The following RASEF variants were observed in gnomAD, a reference collection of about 807,000 sequenced individuals.
RASEF encodes ras and EF-hand domain-containing protein.
A neutral mutation model predicts 90.1 loss-of-function variants in RASEF; 68 were observed. That is an observed-to-expected ratio of 0.75 (90% CI 0.62 to 0.92). The LOEUF (loss-of-function observed/expected upper bound fraction) is 0.92, where lower values mean the gene tolerates loss of function less well. RASEF is among the 40% of genes least tolerant of loss of function. RASEF has a pLI of 0.00. For synonymous variants in RASEF, 331 were observed against 345.2 expected (o/e 0.96, Z 0.46); for missense variants, 949 against 937.2 (o/e 1.01, Z -0.16).
At chr9:83,158,518 C>T in the RASEF span, among the ~76,000 whole-genome samples, 2 of 150,394 alleles carry the variant, frequency 1.3e-5, no homozygotes, top group South Asian at 4.2e-4. Flanking sequence ...TAGACATTCA[C>T]ATTGTCAAGC....
chr9:83,041,276 T>C (rs1004467878), intron 1 of RASEF, among the ~76,000 whole-genome samples: 3 of 152,262 alleles, frequency 2.0e-5, no homozygotes, highest in African/African-American at 7.2e-5. Context: ...AAACTATTTA[T>C]ATATGTGATA....
At chr9:83,022,231 G>C in intron 3 of RASEF, 105 bp downstream of exon 3, 1 of 828,464 alleles carries the variant, frequency 1.2e-6, no homozygotes. Context: ...GCAGAAACCT[G>C]GACTTGCTGT....
At chr9:83,176,613 T>C in the RASEF span, among the ~76,000 whole-genome samples, 2 of 152,076 alleles carry the variant, frequency 1.3e-5, no homozygotes, top group African/African-American at 4.8e-5. Context: ...AATATTTAAT[T>C]CCTTCCATTA....
chr9:83,209,107 T>C, the RASEF span, among the ~76,000 whole-genome samples: 1 of 152,224 alleles, frequency 6.6e-6, no homozygotes, highest in Non-Finnish European at 1.5e-5. Context: ...ATTGCTCTGC[T>C]TCTCCGGGAG....
the RASEF span, among the ~76,000 whole-genome samples, chr9:83,162,156 G>C: frequency 6.6e-6 from 1 of 152,034 alleles, no homozygotes. Context: ...GATTTACTAG[G>C]TATCTAGGCA....
chr9:83,000,339 A>G, intron 11 of RASEF, 23 bp from the exon 12 acceptor site: 1 of 1,612,362 alleles, frequency 6.2e-7, no homozygotes, highest in Non-Finnish European at 8.5e-7. Flanking sequence ...GCCACAGTGA[A>G]TGATAACGGT....
the RASEF span, among the ~76,000 whole-genome samples, chr9:83,114,495 C>T: frequency 6.6e-6 from 1 of 152,212 alleles, no homozygotes; most frequent in Non-Finnish European, 1.5e-5. Flanking sequence ...GAACCTTAAA[C>T]TCTGACTGCT....
chr9:83,216,134 T>C, the RASEF span, among the ~76,000 whole-genome samples: 1 of 152,044 alleles, frequency 6.6e-6, no homozygotes, highest in South Asian at 2.1e-4. Flanking sequence ...GTTCAGAAAA[T>C]TTGCAGCCTG....
At chr9:83,148,516 G>C in the RASEF span, among the ~76,000 whole-genome samples, 3 of 152,150 alleles carry the variant, frequency 2.0e-5, no homozygotes, top group Admixed American at 2.0e-4. Context: ...CACAGGATGG[G>C]AGAGAGGCAT....
At chr9:83,016,014 C>T (rs973939458) in intron 3 of RASEF, 114 bp from the exon 4 acceptor site, 1 of 741,706 alleles carries the variant, frequency 1.3e-6, no homozygotes. Context: ...AGTTCTCCTA[C>T]ACAGGGAAGG....
intron 1 of RASEF, among the ~76,000 whole-genome samples, chr9:83,043,498 G>C (rs1268107779): frequency 6.6e-6 from 1 of 152,152 alleles, no homozygotes; most frequent in East Asian, 1.9e-4. Flanking sequence ...TCAGCAAGCT[G>C]TACACTTAAC....
the RASEF span, among the ~76,000 whole-genome samples, chr9:83,145,061 CACAA>C: frequency 1.1e-3 from 161 of 152,244 alleles, no homozygotes; most frequent in African/African-American, 3.7e-3. Context: ...TTTTAATTAT[CACAA>C]ACAATTTTGA....
chr9:83,159,778 T>C, the RASEF span, among the ~76,000 whole-genome samples: 1 of 152,226 alleles, frequency 6.6e-6, no homozygotes, highest in Non-Finnish European at 1.5e-5. Context: ...ACGGTTTAGC[T>C]GTGTCCTCAC....
At chr9:83,069,532 A>G in the RASEF span, among the ~76,000 whole-genome samples, 10 of 152,226 alleles carry the variant, frequency 6.6e-5, no homozygotes, top group African/African-American at 2.2e-4. Context: ...CACATTATAC[A>G]TTATACCACA....
At chr9:83,112,883 A>T in the RASEF span, among the ~76,000 whole-genome samples, 1 of 152,196 alleles carries the variant, frequency 6.6e-6, no homozygotes. Flanking sequence ...AGATACAAAG[A>T]TGTAAACTGT....
intron 16 of RASEF, among the ~76,000 whole-genome samples, chr9:82,987,336 A>C (rs1828727868): frequency 6.6e-6 from 1 of 152,228 alleles, no homozygotes; most frequent in South Asian, 2.1e-4. Flanking sequence ...AATAACAATA[A>C]AACAAAAACC....
At chr9:83,034,497 A>G (rs1222843806) in intron 1 of RASEF, among the ~76,000 whole-genome samples, 3 of 152,240 alleles carry the variant, frequency 2.0e-5, no homozygotes, top group Non-Finnish European at 4.4e-5. Context: ...TCCCCAAAAG[A>G]TATTAAAACG....
chr9:83,213,104 A>AAAG, the RASEF span, among the ~76,000 whole-genome samples: 5 of 151,886 alleles, frequency 3.3e-5, no homozygotes, highest in Admixed American at 6.6e-5. Flanking sequence ...AAAAAAAAAA[A>AAAG]AAAGAAAGAA....
At chr9:82,986,635 C>G (rs1828716952) in intron 16 of RASEF, among the ~76,000 whole-genome samples, 1 of 152,230 alleles carries the variant, frequency 6.6e-6, no homozygotes, top group South Asian at 2.1e-4. Flanking sequence ...AAAATTAGGG[C>G]TCACCAAAAT....
Sources: allele counts gnomAD v4.1 joint callset (sites outside exome capture counted in the v4.1 genomes callset), GRCh38; gene constraint gnomAD v4.1.1; transcripts MANE v1.5; gene names NCBI Gene and HGNC (gene_info 2026-07-23, HGNC 2026-07-21).